PTPRJ: variants seen among roughly 807,000 people sequenced by gnomAD.
The protein encoded by PTPRJ is protein tyrosine phosphatase receptor type J.
Under a neutral mutation model 141.3 loss-of-function variants are expected in PTPRJ, and 129 were observed. The ratio of observed to expected loss-of-function variants is 0.91; its 90% CI spans 0.79 to 1.06. PTPRJ has a LOEUF of 1.06. Among genes scored for constraint, PTPRJ ranks in the 50% least tolerant of loss-of-function variants. The pLI, the probability that PTPRJ is intolerant of heterozygous loss-of-function variation, is 0.00. For synonymous variants in PTPRJ, 610 were observed against 640.5 expected (o/e 0.95, Z 0.72); for missense variants, 1,601 against 1,679.7 (o/e 0.95, Z 0.82).
chr11:48,021,499 G>A (rs1855124132), intron 1 of PTPRJ, among the ~76,000 whole-genome samples: 1 of 152,130 alleles, frequency 6.6e-6, no homozygotes, highest in Admixed American at 6.5e-5. Flanking sequence ...GGAAGCCCCA[G>A]GTTTTGGGGC....
At chr11:48,074,733 GT>G (rs902329009) in intron 1 of PTPRJ, among the ~76,000 whole-genome samples, 1 of 152,014 alleles carries the variant, frequency 6.6e-6, no homozygotes, top group African/African-American at 2.4e-5. Flanking sequence ...GGGATTCAAA[GT>G]TTTTTTTGAC....
intron 1 of PTPRJ, among the ~76,000 whole-genome samples, chr11:48,005,177 A>C (rs1315711765): frequency 6.6e-6 from 1 of 151,978 alleles, no homozygotes; most frequent in African/African-American, 2.4e-5. Flanking sequence ...AGCAGAGATC[A>C]TGCCACTGCA....
chr11:47,988,844 T>C (rs1444592854), intron 1 of PTPRJ, among the ~76,000 whole-genome samples: 1 of 151,676 alleles, frequency 6.6e-6, no homozygotes, highest in Admixed American at 6.6e-5. Flanking sequence ...AATTTTTACA[T>C]GTTTGCTAGT....
rs766006706 is a variant in PTPRJ at position 48,130,424 on chromosome 11, T to A, written c.1358-35T>A. 10 of 1,578,926 alleles carry A rather than the reference T, an allele frequency of 6.3e-6. No homozygotes were observed. The South Asian group carries it at 1.2e-4, about 18-fold the overall frequency. ...GGCATCCCTGTCTCCTGGAGAAGTA[T>A]ATTTTTAATCTAGTTGTTTACTTTC... On this transcript the variant is annotated intron_variant, in intron 7 of 24. Coordinates refer to ENST00000418331, the MANE Select transcript of PTPRJ (RefSeq NM_002843.4).
At chr11:48,107,200 C>T (rs906815224) in intron 1 of PTPRJ, among the ~76,000 whole-genome samples, 1 of 151,754 alleles carries the variant, frequency 6.6e-6, no homozygotes, top group Admixed American at 6.6e-5. Context: ...GGAGGAGGAT[C>T]CTTGTGACTG....
intron 1 of PTPRJ, among the ~76,000 whole-genome samples, chr11:48,028,568 C>G (rs1223231833): frequency 1.3e-5 from 2 of 152,086 alleles, no homozygotes; most frequent in Non-Finnish European, 2.9e-5. Flanking sequence ...AGGTGGGTGG[C>G]TCACCTGAGG....
intron 1 of PTPRJ, among the ~76,000 whole-genome samples, chr11:47,996,187 T>C (rs1176975583): frequency 1.3e-5 from 2 of 151,108 alleles, no homozygotes; most frequent in Non-Finnish European, 2.9e-5. Flanking sequence ...CAAAAAAAAT[T>C]AGCTGGGCAT....
rs1302587324 is a variant in PTPRJ at position 48,163,449 on chromosome 11, G to T, written c.3559-9G>T. On this transcript the variant is annotated splice_polypyrimidine_tract_variant and intron_variant, in intron 22 of 24. Transcript: ENST00000418331. ...CTGTCTGGATCTAAATCATTTTCTG[G>T]GCTTTTAGATCCAGACAAGTGAGAG... 4 of 1,612,760 alleles carry T rather than the reference G, an allele frequency of 2.5e-6. No individual in the cohort carries two copies. Among genetic ancestry groups the T allele is most frequent in the Non-Finnish European group, 3.4e-6 (4 of 1,179,256 alleles).
At chr11:48,154,279 G>A (rs10742836) in intron 19 of PTPRJ, among the ~76,000 whole-genome samples, 105,972 of 152,094 alleles carry the variant, frequency 0.7, 37,808 homozygotes, top group South Asian at 0.79. Flanking sequence ...ATTTATTTCA[G>A]TTCTATAATT....
At chr11:48,002,187 G>A (rs925292271) in intron 1 of PTPRJ, among the ~76,000 whole-genome samples, 13 of 149,736 alleles carry the variant, frequency 8.7e-5, no homozygotes, top group African/African-American at 3.2e-4. Context: ...ACCCAGGCTG[G>A]AGTGCGGTGG....
intron 1 of PTPRJ, among the ~76,000 whole-genome samples, chr11:48,046,026 T>C (rs1300520523): frequency 6.6e-6 from 1 of 152,136 alleles, no homozygotes; most frequent in Non-Finnish European, 1.5e-5. Flanking sequence ...AGGCCCGGGT[T>C]GAGCACAGTT....
At chr11:48,020,315 T>C (rs1163855302) in intron 1 of PTPRJ, among the ~76,000 whole-genome samples, 1 of 152,210 alleles carries the variant, frequency 6.6e-6, no homozygotes, top group Non-Finnish European at 1.5e-5. Flanking sequence ...AGTGGACAGA[T>C]TTGAGTCAGT....
intron 22 of PTPRJ, among the ~76,000 whole-genome samples, chr11:48,160,629 TGTGTGCATTG>T (rs1857744556): frequency 6.6e-6 from 1 of 152,136 alleles, no homozygotes; most frequent in Admixed American, 6.5e-5. Flanking sequence ...TGTTGATGGG[TGTGTGCATTG>T]GCATAACTCT....
intron 1 of PTPRJ, among the ~76,000 whole-genome samples, chr11:48,021,508 G>T (rs2134212722): frequency 6.6e-6 from 1 of 152,230 alleles, no homozygotes; most frequent in Non-Finnish European, 1.5e-5. Context: ...AGGTTTTGGG[G>T]CATCAGGGTT....
chr11:48,134,771 G>T (rs1483090908), intron 8 of PTPRJ, among the ~76,000 whole-genome samples: 1 of 152,180 alleles, frequency 6.6e-6, no homozygotes, highest in Non-Finnish European at 1.5e-5. Flanking sequence ...GGCATCCCTG[G>T]TGCAGGTGGC....
chr11:48,137,270 C>T lies in PTPRJ; in HGVS notation c.2141C>T (p.Ser714Leu). 1.2e-6 allele frequency: 2 copies of T among 1,613,914 alleles called. No individual in the cohort carries two copies. Among genetic ancestry groups the T allele is most frequent in the South Asian group, 2.2e-5 (2 of 91,034 alleles). ...GIKSLEPGRKSFCTDPASMAS... is the reference protein window; with the variant it reads ...GIKSLEPGRKLFCTDPASMAS... ...AAGTCACTGGAACCTGGCCGGAAGT[C>T]ATTCTGTACAGGTGAGTGTAGCCCC... The change falls in exon 10 of 25, where the codon TCA becomes TTA. Residue 714 changes from serine (S) to leucine (L), a missense_variant. Transcript: ENST00000418331.
intron 1 of PTPRJ, among the ~76,000 whole-genome samples, chr11:48,057,675 G>C (rs2134255856): frequency 6.6e-6 from 1 of 152,170 alleles, no homozygotes; most frequent in Admixed American, 6.5e-5. Flanking sequence ...TGTGTGGAGG[G>C]GCAGATGGGA....
At position 48,034,895 on chromosome 11, in the gene PTPRJ, C is replaced by T. The variant is rs142000608; in HGVS notation, c.96+53887C>T. Among the ~76,000 whole-genome samples the T allele has an allele frequency of 8.5e-3, 1,293 of 152,260 alleles. 66 individuals carry two copies. The highest frequency in any genetic ancestry group is 0.074 in the Admixed American group (1,137 of 15,288). On this transcript the variant is annotated intron_variant, in intron 1 of 24. Transcript: ENST00000418331. ...CACTGTGTTGTGTATTTCAGATGCACGAATGAGAATCTTCATCCCCGCAAG... is the reference window on the plus strand; with the variant it reads ...CACTGTGTTGTGTATTTCAGATGCATGAATGAGAATCTTCATCCCCGCAAG...
chr11:48,066,581 T>C (rs1415640597), intron 1 of PTPRJ, among the ~76,000 whole-genome samples: 1 of 144,884 alleles, frequency 6.9e-6, no homozygotes, highest in African/African-American at 2.7e-5. Context: ...ATTATTATTA[T>C]TATTATTATT....
Sources: allele counts gnomAD v4.1 joint callset (sites outside exome capture counted in the v4.1 genomes callset), GRCh38; gene constraint gnomAD v4.1.1; transcripts MANE v1.5; gene names NCBI Gene and HGNC (gene_info 2026-07-23, HGNC 2026-07-21).